The following SOCS2 variants were observed in gnomAD, a reference collection of about 807,000 sequenced individuals.
SOCS2 encodes the protein CIS-2.
SOCS2 carries 10 observed loss-of-function variants against 18.6 expected under a neutral mutation model. The ratio of observed to expected loss-of-function variants is 0.54; its 90% CI spans 0.33 to 0.91. The LOEUF (loss-of-function observed/expected upper bound fraction) is 0.91, where lower values mean the gene tolerates loss of function less well. Among genes scored for constraint, SOCS2 ranks in the 40% least tolerant of loss-of-function variants. The pLI is 0.02. For synonymous variants in SOCS2, 104 were observed against 104.0 expected, an observed-to-expected ratio of 1.00 and a Z score of 0.00; for missense variants, 231 against 247.2, an observed-to-expected ratio of 0.93 and a Z score of 0.44.
the SOCS2 span, among the ~76,000 whole-genome samples, chr12:93,595,910 T>TG: frequency 6.6e-6 from 1 of 152,074 alleles, no homozygotes; most frequent in Non-Finnish European, 1.5e-5. Flanking sequence ...GTTTTTAATT[T>TG]TTTTTTATGT....
At chr12:93,585,153 A>C (rs1324485814), downstream of SOCS2, among the ~76,000 whole-genome samples, 1 of 151,854 alleles carries the variant, frequency 6.6e-6, no homozygotes, top group African/African-American at 2.4e-5. Flanking sequence ...CTTTCTCTGG[A>C]GGTAAATTTT....
At chr12:93,624,708 T>C in the SOCS2 span, among the ~76,000 whole-genome samples, 2 of 152,228 alleles carry the variant, frequency 1.3e-5, no homozygotes, top group South Asian at 2.1e-4. Flanking sequence ...CAGAGTGTGA[T>C]ACATGAATGC....
chr12:93,587,429 C>T (rs1954591034), downstream of SOCS2, among the ~76,000 whole-genome samples: 1 of 152,104 alleles, frequency 6.6e-6, no homozygotes, highest in Non-Finnish European at 1.5e-5. Flanking sequence ...CGCCTGTAAT[C>T]CTAGCACTTT....
At chr12:93,620,306 G>A in the SOCS2 span, among the ~76,000 whole-genome samples, 6 of 152,278 alleles carry the variant, frequency 3.9e-5, no homozygotes, top group African/African-American at 1.4e-4. Flanking sequence ...TTCTATGGCT[G>A]TACCAAAATT....
chr12:93,581,585 A>G (rs1432857535), downstream of SOCS2, among the ~76,000 whole-genome samples: 3 of 152,168 alleles, frequency 2.0e-5, no homozygotes, highest in Non-Finnish European at 4.4e-5. Flanking sequence ...TCATGTGATC[A>G]TTGTTTACAA....
At chr12:93,589,255 A>T in the SOCS2 span, among the ~76,000 whole-genome samples, 1 of 152,230 alleles carries the variant, frequency 6.6e-6, no homozygotes, top group Non-Finnish European at 1.5e-5. Context: ...TGTTGAATAC[A>T]TGACTGATAG....
At chr12:93,573,337 C>G (rs990804517) in intron 1 of SOCS2, 122 of 494,656 alleles carry the variant, frequency 2.5e-4, no homozygotes, top group Non-Finnish European at 2.5e-4. Context: ...CTCCCGGGCT[C>G]GAACCCCGGC....
the SOCS2 span, among the ~76,000 whole-genome samples, chr12:93,613,581 A>G: frequency 6.6e-6 from 1 of 152,238 alleles, no homozygotes; most frequent in Non-Finnish European, 1.5e-5. Context: ...CGGGCTACTG[A>G]GAAGCTCAAA....
upstream of SOCS2, chr12:93,571,763 CA>C: frequency 3.0e-6 from 1 of 329,000 alleles, no homozygotes; most frequent in South Asian, 2.1e-5. Flanking sequence ...ATCTCGTTCC[CA>C]AATTAAACGT....
chr12:93,620,704 A>G, the SOCS2 span, among the ~76,000 whole-genome samples: 2 of 152,190 alleles, frequency 1.3e-5, no homozygotes, highest in African/African-American at 4.8e-5. Context: ...ATGAGCCACC[A>G]TGCCTGGCCT....
At chr12:93,600,811 T>C in the SOCS2 span, among the ~76,000 whole-genome samples, 1 of 151,158 alleles carries the variant, frequency 6.6e-6, no homozygotes, top group Non-Finnish European at 1.5e-5. Flanking sequence ...TTTTTAGAGA[T>C]GAGGTCTTGA....
chr12:93,592,844 C>T, the SOCS2 span, among the ~76,000 whole-genome samples: 1 of 151,156 alleles, frequency 6.6e-6, no homozygotes, highest in Non-Finnish European at 1.5e-5. Flanking sequence ...ATGGGACAGG[C>T]ACATGGCTCT....
At chr12:93,584,749 T>C (rs1202230195), downstream of SOCS2, among the ~76,000 whole-genome samples, 3 of 152,116 alleles carry the variant, frequency 2.0e-5, no homozygotes, top group African/African-American at 7.2e-5. Context: ...GACATCTGAA[T>C]TTACACCTTT....
intron 1 of SOCS2, 53 bp from the exon 2 acceptor site, chr12:93,574,669 T>G: frequency 7.7e-7 from 1 of 1,306,016 alleles, no homozygotes; most frequent in Non-Finnish European, 1.0e-6. Flanking sequence ...CTAAGAATTC[T>G]TATAATAACT....
the SOCS2 span, among the ~76,000 whole-genome samples, chr12:93,592,875 T>C: frequency 1.5e-4 from 22 of 150,422 alleles, no homozygotes; most frequent in Non-Finnish European, 2.5e-4. Context: ...TGTGGCTTCA[T>C]AGACAGCTGT....
chr12:93,588,077 G>A (rs896571146), downstream of SOCS2, among the ~76,000 whole-genome samples: 5 of 152,192 alleles, frequency 3.3e-5, no homozygotes, highest in Non-Finnish European at 7.3e-5. Context: ...TCTGGGATCT[G>A]TGAACTTGGA....
At chr12:93,572,646 C>T (rs1253432164), upstream of SOCS2, 8 of 690,988 alleles carry the variant, frequency 1.2e-5, no homozygotes, top group Non-Finnish European at 1.8e-5. The surrounding 1 kb of genome is among the most constrained non-coding windows in gnomAD (Gnocchi z 5.0). Flanking sequence ...CGCAGGGGTC[C>T]AGTTTGGACT....
chr12:93,599,171 C>CT, the SOCS2 span, among the ~76,000 whole-genome samples: 63,285 of 122,268 alleles, frequency 0.52, 17,980 homozygotes, highest in African/African-American at 0.71. Context: ...TGCTGTTTGT[C>CT]TTTTTTTTTT....
intron 1 of SOCS2, chr12:93,574,130 G>C (rs888039221): frequency 6.6e-6 from 1 of 151,402 alleles, no homozygotes; most frequent in Non-Finnish European, 1.5e-5. Flanking sequence ...TATTGTACTA[G>C]AGCTGTGCTT....
Sources: gnomAD v4.1 joint callset for allele counts (sites outside exome capture counted in the v4.1 genomes callset) on GRCh38, gnomAD v4.1.1 for gene constraint, Gnocchi (gnomAD v3.1) non-coding constraint, MANE v1.5 for transcripts, NCBI Gene and HGNC (gene_info 2026-07-23, HGNC 2026-07-21) for gene names.